Variants in GFRAL observed in about 807,000 individuals in gnomAD.
GFRAL encodes GDNF family receptor alpha like.
A neutral mutation model predicts 45.4 loss-of-function variants in GFRAL; 36 were observed. The ratio of observed to expected loss-of-function variants is 0.79; its 90% CI spans 0.61 to 1.05. The LOEUF (loss-of-function observed/expected upper bound fraction) is 1.05. Ranked by LOEUF, GFRAL falls within the 50% of genes least tolerant of loss-of-function variation. The probability of loss-of-function intolerance (pLI) is 0.00; values close to 1 mark genes in which losing one functional copy is unlikely to be tolerated. For synonymous variants in GFRAL, 166 were observed against 154.1 expected (o/e 1.08, Z -0.57); for missense variants, 507 against 467.5 (o/e 1.08, Z -0.78).
intron 6 of GFRAL, among the ~76,000 whole-genome samples, chr6:55,377,179 C>G (rs4715539): frequency 0.19 from 29,046 of 151,818 alleles, 3,191 homozygotes; most frequent in African/African-American, 0.3. Context: ...AATTTAAAAA[C>G]GGTCTCCATC....
At chr6:55,372,766 G>A (rs1768468869) in intron 6 of GFRAL, among the ~76,000 whole-genome samples, 1 of 152,208 alleles carries the variant, frequency 6.6e-6, no homozygotes, top group East Asian at 1.9e-4. Context: ...AGGAGGAAAG[G>A]CAATTGTAAT....
At chr6:55,350,009 T>C (rs1768094940) in intron 3 of GFRAL, 83 bp from the exon 4 acceptor site, 2 of 783,688 alleles carry the variant, frequency 2.6e-6, no homozygotes, top group African/African-American at 1.7e-5. Context: ...TGGACTTTAC[T>C]CATTTATAAA....
At chr6:55,384,351 C>A (rs1261681231) in intron 6 of GFRAL, among the ~76,000 whole-genome samples, 2 of 151,892 alleles carry the variant, frequency 1.3e-5, no homozygotes, top group Admixed American at 6.6e-5. Flanking sequence ...ATTATTTTTT[C>A]TATTAATTAA....
At chr6:55,378,504 A>G (rs1481648772) in intron 6 of GFRAL, among the ~76,000 whole-genome samples, 1 of 151,930 alleles carries the variant, frequency 6.6e-6, no homozygotes, top group African/African-American at 2.4e-5. Context: ...CATAGCTGCC[A>G]TCCTTGCCAC....
At chr6:55,335,781 C>A (rs1011972310) in intron 3 of GFRAL, among the ~76,000 whole-genome samples, 6 of 152,194 alleles carry the variant, frequency 3.9e-5, no homozygotes, top group African/African-American at 1.4e-4. Context: ...TAATTCTGTA[C>A]TTTTGCAAAT....
intron 6 of GFRAL, among the ~76,000 whole-genome samples, chr6:55,376,004 C>T (rs752042008): frequency 1.6e-4 from 25 of 151,998 alleles, no homozygotes; most frequent in Non-Finnish European, 2.2e-4. Context: ...TTGTCATAGA[C>T]GGCTCTTATT....
chr6:55,329,984 A>G lies in GFRAL; in HGVS notation c.23-1731A>G, dbSNP rs577051057. On this transcript the variant is annotated intron_variant, in intron 1 of 8. Transcript: ENST00000340465. The stretch of plus-strand genomic sequence containing the variant: ...ATTTAGTTATAGCTTGACTCTCTTG[A>G]TGACAGTTACTACAACTGTCTCTGT... 2.6e-5 allele frequency among the ~76,000 whole-genome samples: 4 copies of G among 152,298 alleles called. No homozygotes were observed. The South Asian group carries it at 8.3e-4, about 32-fold the overall frequency.
intron 6 of GFRAL, among the ~76,000 whole-genome samples, chr6:55,389,805 C>T (rs1397078087): frequency 6.6e-6 from 1 of 152,150 alleles, no homozygotes; most frequent in Non-Finnish European, 1.5e-5. Flanking sequence ...GACAAATCAG[C>T]TGGAAAATCC....
At chr6:55,369,124 G>T (rs1047536645) in intron 6 of GFRAL, among the ~76,000 whole-genome samples, 1 of 151,488 alleles carries the variant, frequency 6.6e-6, no homozygotes, top group Non-Finnish European at 1.5e-5. Context: ...TCCGAGCCAG[G>T]TGCTGGATAG....
chr6:55,343,338 C>T (rs560908710), intron 3 of GFRAL, among the ~76,000 whole-genome samples: 10 of 152,260 alleles, frequency 6.6e-5, no homozygotes, highest in South Asian at 6.2e-4. Flanking sequence ...TCTCAGACCA[C>T]GGTGCAATCA....
chr6:55,381,371 G>A (rs1038657107), intron 6 of GFRAL, among the ~76,000 whole-genome samples: 11 of 151,572 alleles, frequency 7.3e-5, no homozygotes, highest in African/African-American at 1.9e-4. Context: ...TCTGTCTATC[G>A]ATCCCTCATG....
intron 3 of GFRAL, among the ~76,000 whole-genome samples, chr6:55,341,490 C>A (rs1169816127): frequency 1.3e-5 from 2 of 152,190 alleles, no homozygotes; most frequent in African/African-American, 4.8e-5. Context: ...AACTAACAAA[C>A]AGAAAGGACA....
intron 6 of GFRAL, among the ~76,000 whole-genome samples, chr6:55,394,000 T>A (rs957756779): frequency 1.3e-5 from 2 of 152,128 alleles, no homozygotes; most frequent in African/African-American, 4.8e-5. Context: ...CAGTGCAGTT[T>A]GCAATGAGGA....
At chr6:55,334,087 T>G in intron 3 of GFRAL, 143 bp downstream of exon 3, 4 of 579,394 alleles carry the variant, frequency 6.9e-6, no homozygotes, top group Non-Finnish European at 1.1e-5. Flanking sequence ...AAAATTTTGT[T>G]GGTATATAGT....
intron 6 of GFRAL, among the ~76,000 whole-genome samples, chr6:55,362,738 A>G (rs1768293168): frequency 6.6e-6 from 1 of 152,038 alleles, no homozygotes; most frequent in African/African-American, 2.4e-5. Flanking sequence ...TGCATTTCCC[A>G]GAGCTTTTTT....
chr6:55,332,289 T>C (rs1391657081), intron 2 of GFRAL, among the ~76,000 whole-genome samples: 2 of 152,186 alleles, frequency 1.3e-5, no homozygotes, highest in African/African-American at 4.8e-5. Context: ...ATGCGGTATT[T>C]CCAATTCTAT....
chr6:55,349,837 T>C (rs975399545), intron 3 of GFRAL, among the ~76,000 whole-genome samples: 3 of 151,896 alleles, frequency 2.0e-5, no homozygotes, highest in Non-Finnish European at 4.4e-5. Flanking sequence ...CACTAGCATT[T>C]ATTTAAGTCT....
At chr6:55,352,651 G>A (rs1768132892) in intron 5 of GFRAL, among the ~76,000 whole-genome samples, 1 of 151,932 alleles carries the variant, frequency 6.6e-6, no homozygotes, top group Non-Finnish European at 1.5e-5. Context: ...TGTCCCTGTT[G>A]GAAAAGTACC....
chr6:55,343,989 A>C (rs148232356), intron 3 of GFRAL, among the ~76,000 whole-genome samples: 1,983 of 152,240 alleles, frequency 0.013, 23 homozygotes, highest in Non-Finnish European at 0.022. Context: ...AAACCAGGAA[A>C]AAGTTGAATC....
Sources: allele counts gnomAD v4.1 joint callset (sites outside exome capture counted in the v4.1 genomes callset), GRCh38; gene constraint gnomAD v4.1.1; transcripts MANE v1.5; gene names NCBI Gene and HGNC (gene_info 2026-07-23, HGNC 2026-07-21).